VTI1A: variants seen among roughly 807,000 people sequenced by gnomAD.
VTI1A encodes vesicle transport through interaction with t-SNAREs 1A.
Under a neutral mutation model 34.9 loss-of-function variants are expected in VTI1A, and 22 were observed. That is an observed-to-expected ratio of 0.63 (90% CI 0.45 to 0.90). VTI1A has a LOEUF of 0.90. Ranked by LOEUF, VTI1A falls within the 40% of genes least tolerant of loss-of-function variation. VTI1A has a pLI of 0.00. For missense variants in VTI1A, 268 were observed against 275.6 expected, an observed-to-expected ratio of 0.97 and a Z score of 0.20; for synonymous variants, 87 against 97.3, an observed-to-expected ratio of 0.89 and a Z score of 0.62.
intron 5 of VTI1A, among the ~76,000 whole-genome samples, chr10:112,607,278 C>T (rs1284450306): frequency 1.3e-5 from 2 of 150,588 alleles, no homozygotes; most frequent in Non-Finnish European, 1.5e-5. Context: ...TAGAGCAAGA[C>T]TCCATCTCAA....
intron 5 of VTI1A, among the ~76,000 whole-genome samples, chr10:112,561,675 TCTGATCA>T (rs2134332458): frequency 6.6e-6 from 1 of 152,320 alleles, no homozygotes; most frequent in East Asian, 1.9e-4. Flanking sequence ...AACATGGTTT[TCTGATCA>T]CTGATAACTG....
chr10:112,488,343 G>A (rs559519495), intron 3 of VTI1A, among the ~76,000 whole-genome samples: 1 of 152,246 alleles, frequency 6.6e-6, no homozygotes, highest in South Asian at 2.1e-4. Flanking sequence ...TAATATTCTA[G>A]AAAAATTGAA....
At chr10:112,794,093 T>C (rs1852586974) in intron 7 of VTI1A, among the ~76,000 whole-genome samples, 1 of 152,198 alleles carries the variant, frequency 6.6e-6, no homozygotes, top group Admixed American at 6.5e-5. Flanking sequence ...TTTACAGTTT[T>C]ATTCAAGGAA....
Position 112,815,706 on chromosome 10 carries a change from C to G in VTI1A, c.*323C>G, listed in dbSNP as rs957557262. ...CTAGCCCTCTGGACGTGTCAAGGGCCGTGGTTTGGGAGAGGACATGATGAG... is the reference window on the plus strand; with the variant it reads ...CTAGCCCTCTGGACGTGTCAAGGGCGGTGGTTTGGGAGAGGACATGATGAG... On this transcript the variant is annotated 3_prime_UTR_variant, in exon 8 of 8. Coordinates refer to ENST00000393077, the MANE Select transcript of VTI1A (RefSeq NM_145206.4). 1.6e-5 allele frequency: 5 copies of G among 316,336 alleles called. No individual in the cohort carries two copies. Among genetic ancestry groups the G allele is most frequent in the Non-Finnish European group, 3.0e-5 (5 of 168,594 alleles). 19.6% of individuals were successfully genotyped at this position (316,336 alleles called of 1,614,324 possible).
At chr10:112,581,198 C>A (rs780375660) in intron 5 of VTI1A, among the ~76,000 whole-genome samples, 34 of 152,210 alleles carry the variant, frequency 2.2e-4, no homozygotes, top group Non-Finnish European at 4.3e-4. Flanking sequence ...TTCTCTTCCT[C>A]TGGGATTGCA....
intron 1 of VTI1A, among the ~76,000 whole-genome samples, chr10:112,454,310 T>C (rs1006721344): frequency 2.0e-5 from 3 of 152,238 alleles, no homozygotes; most frequent in African/African-American, 7.2e-5. Flanking sequence ...ATGCAAAGAC[T>C]TGTTTGTACG....
chr10:112,495,367 G>A (rs962229002), intron 3 of VTI1A, among the ~76,000 whole-genome samples: 3 of 152,092 alleles, frequency 2.0e-5, no homozygotes, highest in African/African-American at 7.2e-5. Context: ...CTCTCTAGGA[G>A]AGGGATTCTT....
chr10:112,845,846 C>T, the VTI1A span, among the ~76,000 whole-genome samples: 13 of 152,158 alleles, frequency 8.5e-5, no homozygotes, highest in South Asian at 2.5e-3. Context: ...GGTGAAACCC[C>T]GTCTCTGCTA....
the VTI1A span, among the ~76,000 whole-genome samples, chr10:112,830,882 C>T: frequency 2.3e-5 from 2 of 87,064 alleles, no homozygotes; most frequent in Admixed American, 1.5e-4. Context: ...CAGGGTCTCA[C>T]TCAGTCACCC....
chr10:112,589,299 A>C (rs1844287843), intron 5 of VTI1A, among the ~76,000 whole-genome samples: 1 of 152,070 alleles, frequency 6.6e-6, no homozygotes, highest in African/African-American at 2.4e-5. Flanking sequence ...TACTGTTCTC[A>C]TGGTAGTGAA....
At chr10:112,616,180 A>G (rs1415972147) in intron 5 of VTI1A, among the ~76,000 whole-genome samples, 1 of 152,178 alleles carries the variant, frequency 6.6e-6, no homozygotes, top group Non-Finnish European at 1.5e-5. Context: ...GAGAATAGAG[A>G]GCAGTGATTT....
At chr10:112,828,469 G>A in the VTI1A span, among the ~76,000 whole-genome samples, 2 of 151,972 alleles carry the variant, frequency 1.3e-5, no homozygotes, top group Non-Finnish European at 2.9e-5. Context: ...GCAGAGGCGC[G>A]ATCTCAGCTC....
intron 3 of VTI1A, among the ~76,000 whole-genome samples, chr10:112,481,563 TG>T (rs1284748557): frequency 2.0e-5 from 3 of 152,254 alleles, no homozygotes; most frequent in South Asian, 2.1e-4. Context: ...ATGTTGTTTC[TG>T]CATTTAGTAG....
chr10:112,497,508 A>T (rs1336060924), intron 3 of VTI1A, among the ~76,000 whole-genome samples: 1 of 152,214 alleles, frequency 6.6e-6, no homozygotes, highest in Non-Finnish European at 1.5e-5. Context: ...GAGTAAATTA[A>T]CATACACACA....
At chr10:112,640,220 T>A (rs1846515307) in intron 5 of VTI1A, among the ~76,000 whole-genome samples, 1 of 152,198 alleles carries the variant, frequency 6.6e-6, no homozygotes, top group South Asian at 2.1e-4. Context: ...ACACAGATGC[T>A]AAAGATGTCA....
chr10:112,697,280 G>A (rs910010059), intron 7 of VTI1A, among the ~76,000 whole-genome samples: 3 of 150,542 alleles, frequency 2.0e-5, no homozygotes, highest in South Asian at 2.1e-4. Context: ...TGCAACCTCC[G>A]CCTCCCGGGT....
intron 3 of VTI1A, among the ~76,000 whole-genome samples, chr10:112,525,971 A>C (rs2134219492): frequency 6.6e-6 from 1 of 152,324 alleles, no homozygotes; most frequent in Non-Finnish European, 1.5e-5. Context: ...TTCAGATCAC[A>C]GTTGAACAAG....
Position 112,554,383 on chromosome 10 carries a change from A to G in VTI1A, c.427+16053A>G, listed in dbSNP as rs542563431. Among the ~76,000 whole-genome samples, 52 of 152,340 alleles carry G rather than the reference A, an allele frequency of 3.4e-4. 1 individual carries two copies. Among genetic ancestry groups the G allele is most frequent in the South Asian group, 2.1e-4 (1 of 4,828 alleles). Reference sequence around the variant, plus strand: ...TTGTGCAAAAACCAAGGACATATGAATAAAGTTATTGATTTTAGTTAATAA... The same window carrying G: ...TTGTGCAAAAACCAAGGACATATGAGTAAAGTTATTGATTTTAGTTAATAA... On this transcript the variant is annotated intron_variant, in intron 5 of 7. Transcript: ENST00000393077.
intron 3 of VTI1A, among the ~76,000 whole-genome samples, chr10:112,498,579 C>A (rs1294066996): frequency 6.6e-6 from 1 of 151,520 alleles, no homozygotes; most frequent in Non-Finnish European, 1.5e-5. Flanking sequence ...TTTAGAGGAA[C>A]AAAATGACCA....
Sources: gnomAD v4.1 joint callset for allele counts (sites outside exome capture counted in the v4.1 genomes callset) on GRCh38, gnomAD v4.1.1 for gene constraint, MANE v1.5 for transcripts, NCBI Gene and HGNC (gene_info 2026-07-23, HGNC 2026-07-21) for gene names.